Variants in TOP2A observed in about 807,000 individuals in gnomAD.
TOP2A encodes the protein DNA topoisomerase II alpha, also known as DNA topoisomerase 2-alpha.
Under a neutral mutation model 187.2 loss-of-function variants are expected in TOP2A, and 68 were observed. The observed-to-expected ratio is 0.36, with a 90% CI of 0.30 to 0.44. TOP2A has a LOEUF of 0.44. Among genes scored for constraint, TOP2A ranks in the 20% least tolerant of loss-of-function variants. TOP2A has a pLI of 1.00. For missense variants in TOP2A, 1,196 were observed against 1,808.7 expected, an observed-to-expected ratio of 0.66 and a Z score of 6.14; for synonymous variants, 542 against 593.2, an observed-to-expected ratio of 0.91 and a Z score of 1.25.
chr17:40,398,672 T>C (rs780293803), intron 26 of TOP2A, 31 bp from the exon 27 acceptor site: 6 of 1,605,360 alleles, frequency 3.7e-6, no homozygotes, highest in Non-Finnish European at 5.1e-6. Context: ...ATTGAGTTAA[T>C]ATATGTATAC....
intron 10 of TOP2A, chr17:40,409,219 A>C: frequency 3.6e-6 from 1 of 278,062 alleles, no homozygotes; most frequent in East Asian, 1.1e-4. Flanking sequence ...AAAAAAAAAA[A>C]AGGGTAGCCA....
intron 10 of TOP2A, chr17:40,409,054 C>T (rs182062478): frequency 3.2e-5 from 11 of 344,724 alleles, no homozygotes; most frequent in African/African-American, 1.3e-4. Context: ...AATTAGCTGG[C>T]GTGGTGGTGG....
rs2035306256 is a variant in TOP2A at position 40,410,273 on chromosome 17, T to G, written c.1203+836A>C. Reference sequence around the variant, plus strand: ...AGCCAGGTGAAAAGGATGTATTTCATGCAGAGGGATTAGCATGTGAATAAA... The same window carrying G: ...AGCCAGGTGAAAAGGATGTATTTCAGGCAGAGGGATTAGCATGTGAATAAA... On this transcript the variant is annotated intron_variant, in intron 10 of 34. Transcript: ENST00000423485. Among the ~76,000 whole-genome samples, 3 of 152,124 alleles carry G rather than the reference T, an allele frequency of 2.0e-5. No homozygotes were observed. In the South Asian group the frequency reaches 6.2e-4, roughly 32 times the overall value.
chr17:40,393,138 A>G (rs1598607989), intron 29 of TOP2A, among the ~76,000 whole-genome samples: 1 of 152,242 alleles, frequency 6.6e-6, no homozygotes, highest in East Asian at 1.9e-4. Context: ...CCTGGTCAAC[A>G]TGGCAAAACC....
At chr17:40,404,958 A>G in intron 16 of TOP2A, 75 bp from the exon 17 acceptor site, 1 of 890,722 alleles carries the variant, frequency 1.1e-6, no homozygotes, top group South Asian at 1.6e-5. Flanking sequence ...TCTACAAAGA[A>G]CGAACAACAG....
chr17:40,401,713 A>C (rs937909986), intron 20 of TOP2A, among the ~76,000 whole-genome samples: 1 of 152,056 alleles, frequency 6.6e-6, no homozygotes, highest in African/African-American at 2.4e-5. Context: ...CCATCTCAAA[A>C]GAAAAAAAAA....
At chr17:40,391,767 C>A in intron 32 of TOP2A, 127 bp from the exon 33 acceptor site, 2 of 1,076,998 alleles carry the variant, frequency 1.9e-6, no homozygotes, top group South Asian at 3.8e-5. Flanking sequence ...ATATTTAAAA[C>A]ATACTCTTAA....
At chr17:40,406,057 C>T (rs778416025) in intron 16 of TOP2A, among the ~76,000 whole-genome samples, 2 of 152,152 alleles carry the variant, frequency 1.3e-5, no homozygotes, top group East Asian at 1.9e-4. Context: ...TGAGCCACTA[C>T]GCTCGGCCAA....
At chr17:40,392,142 A>G (rs746577767) in intron 31 of TOP2A, 31 bp from the exon 32 acceptor site, 1 of 1,611,030 alleles carries the variant, frequency 6.2e-7, no homozygotes, top group Non-Finnish European at 8.5e-7. Context: ...CCTGACAACC[A>G]ATTCTAAATG....
intron 34 of TOP2A, 119 bp from the exon 35 acceptor site, chr17:40,389,766 G>C: frequency 7.3e-7 from 1 of 1,377,232 alleles, no homozygotes. Context: ...CAAGTAATAA[G>C]AAGCAGATCT....
At position 40,411,264 on chromosome 17, in the gene TOP2A, A is replaced by G. The variant is rs200108283; in HGVS notation, c.1066-18T>C. On this transcript the variant is annotated intron_variant, in intron 9 of 34. Coordinates refer to ENST00000423485, the MANE Select transcript of TOP2A (RefSeq NM_001067.4). The surrounding 1 kb of genome is among the most constrained non-coding windows in gnomAD (Gnocchi z 4.4). ...TTTTTCACCTGCAATAGAAGTTGATATTAAGCCACTAAAAATGTACTCATG... is the reference window on the plus strand; with the variant it reads ...TTTTTCACCTGCAATAGAAGTTGATGTTAAGCCACTAAAAATGTACTCATG... 231 of 1,612,148 alleles carry G rather than the reference A, an allele frequency of 1.4e-4. 1 individual carries two copies. The highest frequency in any genetic ancestry group is 2.9e-5 in the Non-Finnish European group (34 of 1,179,410).
rs545999506 is a variant in TOP2A, at chr17:40,395,198, G to A, written c.3811+251C>T. ...CTCAGGAAGCTGAGGCAGGAGAATC[G>A]CTTGAACCCAGGAGGTGAAGATTGC... On this transcript the variant is annotated intron_variant, in intron 29 of 34. Coordinates refer to ENST00000423485, the MANE Select transcript of TOP2A (RefSeq NM_001067.4). 3.5e-4 allele frequency among the ~76,000 whole-genome samples: 53 copies of A among 149,664 alleles called. 1 individual carries two copies. The highest frequency in any genetic ancestry group is 3.2e-3 in the South Asian group (15 of 4,754).
At chr17:40,416,192 AT>A in intron 3 of TOP2A, 124 bp from the exon 4 acceptor site, 1 of 848,896 alleles carries the variant, frequency 1.2e-6, no homozygotes, top group Non-Finnish European at 1.9e-6. Context: ...CAAGGTGTTA[AT>A]TTAGCAATTT....
In TOP2A at chr17:40,396,389, G is replaced by A. The variant is rs750263737; in HGVS notation, c.3614C>T (p.Thr1205Ile). ...GKGGKAKGKK[T>I]QMAEVLPSPR... ...AGAAGGCAAAACTTCAGCCATTTGT[G>A]TTTTTTTCCCCTTGGCCTTCCCCCC... The change falls in exon 28 of 35, where the codon ACA becomes ATA. Residue 1205 changes from threonine to isoleucine, a missense_variant. This residue lies in a region of TOP2A where 374 missense variants were observed against 403.3 expected (regional missense o/e 0.93). Transcript: ENST00000423485. 3.1e-6 allele frequency: 5 copies of A among 1,613,904 alleles called. No individual in the cohort carries two copies. The South Asian group carries it at 5.5e-5, about 18-fold the overall frequency.
chr17:40,398,165 G>A (rs1245040675), intron 27 of TOP2A, among the ~76,000 whole-genome samples: 2 of 144,010 alleles, frequency 1.4e-5, no homozygotes, highest in African/African-American at 5.2e-5. Flanking sequence ...CTAGGCTGGA[G>A]TGCAGTGGTG....
chr17:40,392,490 A>G, intron 30 of TOP2A, 95 bp downstream of exon 30: 1 of 1,476,740 alleles, frequency 6.8e-7, no homozygotes, highest in Non-Finnish European at 9.2e-7. Flanking sequence ...TTACTGCTCT[A>G]TTAAGACACA....
Position 40,411,630 on chromosome 17 carries a change from T to G in TOP2A, c.963+15A>C. 1 of 1,602,654 alleles carries G rather than the reference T, an allele frequency of 6.2e-7. No homozygotes were observed. The highest frequency in any genetic ancestry group is 8.5e-7 in the Non-Finnish European group (1 of 1,175,958). On this transcript the variant is annotated intron_variant, in intron 8 of 34. Coordinates refer to ENST00000423485, the MANE Select transcript of TOP2A (RefSeq NM_001067.4). The surrounding 1 kb of genome is among the most constrained non-coding windows in gnomAD (Gnocchi z 4.4). Reference sequence around the variant, plus strand: ...TAAAGATAAATCATGATTAATAATTTAAGAATAAAATTACCTTGGATGTAG... The same window carrying G: ...TAAAGATAAATCATGATTAATAATTGAAGAATAAAATTACCTTGGATGTAG...
At chr17:40,405,670 C>T (rs887462551) in intron 16 of TOP2A, among the ~76,000 whole-genome samples, 9 of 151,818 alleles carry the variant, frequency 5.9e-5, no homozygotes, top group South Asian at 2.1e-4. Context: ...GGGGTTTCAC[C>T]GTGTTAGCCA....
In TOP2A at chr17:40,400,244, A is replaced by C; in HGVS notation, c.2965T>G (p.Phe989Val). 1 of 1,613,956 alleles carries C rather than the reference A, an allele frequency of 6.2e-7. No individual in the cohort carries two copies. Among genetic ancestry groups the C allele is most frequent in the Admixed American group, 1.7e-5 (1 of 60,026 alleles). Reference sequence around the variant, plus strand: ...CATGTGAGACTAGTTTGGAGTTTGAAGACTTTGTGTAGTCCAACTCTCTCT... The same window carrying C: ...CATGTGAGACTAGTTTGGAGTTTGACGACTTTGTGTAGTCCAACTCTCTCT... ...EAERVGLHKV[F>V]KLQTSLTCNS... The change falls in exon 23 of 35, where the codon TTC becomes GTC. Residue 989 changes from phenylalanine to valine, a missense_variant. By Grantham distance (50) the Phe-to-Val change is conservative (BLOSUM62 -1). This residue lies in a region of TOP2A where 232 missense variants were observed against 306.1 expected (regional missense o/e 0.76). Transcript: ENST00000423485.
Sources: gnomAD v4.1 joint callset for allele counts (sites outside exome capture counted in the v4.1 genomes callset) on GRCh38, gnomAD v4.1.1 for gene constraint, gnomAD v4.1.1 regional missense constraint, Gnocchi (gnomAD v3.1) non-coding constraint, MANE v1.5 for transcripts, NCBI Gene and HGNC (gene_info 2026-07-23, HGNC 2026-07-21) for gene names.